The following PHLDB2 variants were observed in gnomAD, a reference collection of about 807,000 sequenced individuals.
PHLDB2 encodes pleckstrin homology-like domain family B member 2.
A neutral mutation model predicts 123.6 loss-of-function variants in PHLDB2; 71 were observed. The ratio of observed to expected loss-of-function variants is 0.57; its 90% confidence interval spans 0.47 to 0.70. The LOEUF (loss-of-function observed/expected upper bound fraction) is 0.70, where lower values mean the gene tolerates loss of function less well. Ranked by LOEUF, PHLDB2 falls within the 30% of genes least tolerant of loss-of-function variation. The probability of loss-of-function intolerance (pLI) is 0.00; values close to 1 mark genes in which losing one functional copy is unlikely to be tolerated. For missense variants in PHLDB2, 1,446 were observed against 1,519.5 expected (o/e 0.95, Z 0.80); for synonymous variants, 547 against 541.6 (o/e 1.01, Z -0.14).
intron 1 of PHLDB2, among the ~76,000 whole-genome samples, chr3:111,818,412 A>G (rs543809027): frequency 2.5e-4 from 38 of 152,296 alleles, no homozygotes; most frequent in African/African-American, 8.9e-4. Flanking sequence ...AACATGGGCT[A>G]TTAGTACTAA....
intron 1 of PHLDB2, among the ~76,000 whole-genome samples, chr3:111,735,881 C>G (rs1279807077): frequency 1.3e-5 from 2 of 152,194 alleles, no homozygotes; most frequent in Non-Finnish European, 2.9e-5. Context: ...GAGTTGGGAT[C>G]TGAATCCAAA....
chr3:111,827,876 T>C (rs1044947923), intron 1 of PHLDB2, among the ~76,000 whole-genome samples: 4 of 152,054 alleles, frequency 2.6e-5, no homozygotes, highest in African/African-American at 7.2e-5. Context: ...GCTCAGTACA[T>C]ATTTCCAAAT....
intron 5 of PHLDB2, among the ~76,000 whole-genome samples, chr3:111,924,827 C>T (rs554231060): frequency 5.1e-4 from 77 of 152,220 alleles, no homozygotes; most frequent in African/African-American, 1.7e-3. Flanking sequence ...CCATTCAAAT[C>T]TTTTGTTTTT....
At chr3:111,949,843 T>G (rs563871916) in intron 10 of PHLDB2, 1 of 985,952 alleles carries the variant, frequency 1.0e-6, no homozygotes, top group East Asian at 1.1e-4. Flanking sequence ...ACCTCCTCCT[T>G]TACCAGCTAA....
chr3:111,952,471 A>G (rs762900924), intron 10 of PHLDB2, 101 bp from the exon 11 acceptor site: 101 of 1,364,346 alleles, frequency 7.4e-5, no homozygotes, highest in Non-Finnish European at 9.6e-5. Flanking sequence ...AAATTCTGTT[A>G]AAATTCCAGT....
chr3:111,932,710 G>C (rs1225076670), intron 6 of PHLDB2, among the ~76,000 whole-genome samples: 42 of 151,972 alleles, frequency 2.8e-4, no homozygotes, highest in Admixed American at 2.8e-3. Context: ...TGTATTAACT[G>C]ATCTCTTCCC....
rs1462292640 is a variant in PHLDB2, at chr3:111,940,471, GA to G, written c.2287-63del. 37 of 926,246 alleles carry G rather than the reference GA, an allele frequency of 4.0e-5. No individual in the cohort carries two copies. The East Asian group carries it at 1.0e-3, about 25-fold the overall frequency. 57.4% of individuals were successfully genotyped at this position (926,246 alleles called of 1,614,324 possible). A position where few individuals can be genotyped will look rare whatever the true frequency, so the allele number is the denominator to read the frequency against. ...GAAAATTTTTTTCTCCCTTTTCTAGGACAGACTAGCAAACCTTTGAGTGTCT... is the reference window on the plus strand; with the variant it reads ...GAAAATTTTTTTCTCCCTTTTCTAGGCAGACTAGCAAACCTTTGAGTGTCT... On this transcript the variant is annotated intron_variant, in intron 7 of 17. Transcript: ENST00000431670.
intron 6 of PHLDB2, among the ~76,000 whole-genome samples, chr3:111,934,797 G>A (rs1266038010): frequency 6.6e-6 from 1 of 152,202 alleles, no homozygotes; most frequent in East Asian, 1.9e-4. Flanking sequence ...ATCTCATGTG[G>A]AAAAAGATAA....
chr3:111,751,735 GC>G (rs1374146282), intron 1 of PHLDB2, among the ~76,000 whole-genome samples: 2 of 151,650 alleles, frequency 1.3e-5, no homozygotes, highest in African/African-American at 2.4e-5. Context: ...TATACCTAAT[GC>G]TAAATGACGA....
intron 8 of PHLDB2, among the ~76,000 whole-genome samples, chr3:111,944,733 T>C (rs946468243): frequency 6.6e-6 from 1 of 152,192 alleles, no homozygotes; most frequent in Non-Finnish European, 1.5e-5. Context: ...CAGGCTGCAG[T>C]GCAGTGGCGC....
chr3:111,733,818 A>G (rs1300946586), intron 1 of PHLDB2, among the ~76,000 whole-genome samples: 3 of 152,208 alleles, frequency 2.0e-5, no homozygotes, highest in Non-Finnish European at 4.4e-5. Context: ...ATGTTGTCAT[A>G]TGGTCACCAC....
At chr3:111,756,147 A>T (rs1266305111) in intron 1 of PHLDB2, among the ~76,000 whole-genome samples, 1 of 151,874 alleles carries the variant, frequency 6.6e-6, no homozygotes, top group Non-Finnish European at 1.5e-5. Context: ...TGGGGTGGAG[A>T]GTTCAGTAGA....
chr3:111,891,892 C>A (rs891600057), intron 2 of PHLDB2, among the ~76,000 whole-genome samples: 1 of 152,170 alleles, frequency 6.6e-6, no homozygotes, highest in Non-Finnish European at 1.5e-5. Flanking sequence ...TGAAAGCAAA[C>A]CCTGATGCTT....
At chr3:111,906,568 A>C (rs909514957) in intron 2 of PHLDB2, among the ~76,000 whole-genome samples, 1 of 152,200 alleles carries the variant, frequency 6.6e-6, no homozygotes, top group African/African-American at 2.4e-5. Context: ...CTCCTTAGGC[A>C]GTGTGTTTGT....
chr3:111,746,754 G>C (rs2059687692), intron 1 of PHLDB2, among the ~76,000 whole-genome samples: 1 of 152,154 alleles, frequency 6.6e-6, no homozygotes, highest in Non-Finnish European at 1.5e-5. Context: ...GGGTGACAGA[G>C]TGAGATCCTG....
chr3:111,872,314 C>T (rs1312530387), intron 1 of PHLDB2, among the ~76,000 whole-genome samples: 2 of 152,088 alleles, frequency 1.3e-5, no homozygotes, highest in Non-Finnish European at 2.9e-5. Flanking sequence ...TACAGGAAAC[C>T]CAAAACAAAC....
At chr3:111,855,390 A>C (rs146004040), upstream of PHLDB2, among the ~76,000 whole-genome samples, 80 of 151,448 alleles carry the variant, frequency 5.3e-4, no homozygotes, top group African/African-American at 1.9e-3. Flanking sequence ...GAAAAGGTAG[A>C]AAGACTCTCT....
intron 1 of PHLDB2, among the ~76,000 whole-genome samples, chr3:111,740,911 A>G (rs900377264): frequency 3.9e-5 from 6 of 151,940 alleles, no homozygotes; most frequent in African/African-American, 9.7e-5. Context: ...AAAAAAAAAA[A>G]AAAGAAACAG....
intron 8 of PHLDB2, among the ~76,000 whole-genome samples, chr3:111,944,947 C>CAGT (rs1211930088): frequency 2.0e-5 from 3 of 152,172 alleles, no homozygotes; most frequent in African/African-American, 7.2e-5. Flanking sequence ...CTGGGGATTA[C>CAGT]AGGCGTGAGC....
Sources: gnomAD v4.1 joint callset for allele counts (sites outside exome capture counted in the v4.1 genomes callset) on GRCh38, gnomAD v4.1.1 for gene constraint, MANE v1.5 for transcripts, NCBI Gene and HGNC (gene_info 2026-07-23, HGNC 2026-07-21) for gene names.